UBP1: variants seen among roughly 807,000 people sequenced by gnomAD.
UBP1 encodes upstream-binding protein 1.
A neutral mutation model predicts 76.1 loss-of-function variants in UBP1; 22 were observed. That is an observed-to-expected ratio of 0.29 (90% CI 0.21 to 0.41). UBP1 has a LOEUF of 0.41. UBP1 is among the 10% of genes least tolerant of loss of function. UBP1 has a pLI of 1.00. For synonymous variants in UBP1, 224 were observed against 237.1 expected (o/e 0.94, Z 0.51); for missense variants, 436 against 668.1 (o/e 0.65, Z 3.83).
rs568251618 is a variant in UBP1 at position 33,412,579 on chromosome 3, C to G, written c.448+143G>C. On this transcript the variant is annotated intron_variant, in intron 4 of 15. Transcript: ENST00000283629. ...CCTGGGCGAGAGAGCAAGGCTCTGT[C>G]TCAAAAAAAAAAAAAAAAGACACAA... 30 of 564,438 alleles carry G rather than the reference C, an allele frequency of 5.3e-5. 1 individual carries two copies. The African/African-American group carries it at 7.8e-4, about 15-fold the overall frequency. 35.0% of individuals were successfully genotyped at this position (564,438 alleles called of 1,614,324 possible). A position where few individuals can be genotyped will look rare whatever the true frequency, so the allele number is the denominator to read the frequency against.
At chr3:33,412,186 C>CAAAAAAAA (rs1227146812) in intron 4 of UBP1, among the ~76,000 whole-genome samples, 1 of 63,452 alleles carries the variant, frequency 1.6e-5, no homozygotes, top group Non-Finnish European at 3.2e-5. Context: ...AACTCCGTCT[C>CAAAAAAAA]AAAAAAAAAA....
At chr3:33,402,962 AT>A in intron 8 of UBP1, 58 bp from the exon 9 acceptor site, 1 of 1,428,954 alleles carries the variant, frequency 7.0e-7, no homozygotes, top group Non-Finnish European at 9.6e-7. Flanking sequence ...TGGAAGAAAT[AT>A]TTTTGTAATT....
At chr3:33,393,109 G>T in intron 14 of UBP1, 1 of 557,594 alleles carries the variant, frequency 1.8e-6, no homozygotes, top group Non-Finnish European at 2.9e-6. Flanking sequence ...GGCTAAGCCA[G>T]TTTTCCTTGG....
intron 11 of UBP1, chr3:33,398,381 A>G (rs1575455003): frequency 1.3e-5 from 2 of 152,252 alleles, no homozygotes; most frequent in South Asian, 4.1e-4. Context: ...TCAGGTAAGC[A>G]AAGAGGCTCT....
At position 33,390,327 on chromosome 3, in the gene UBP1, G is replaced by A; in HGVS notation, c.*4C>T. 1 of 1,613,794 alleles carries A rather than the reference G, an allele frequency of 6.2e-7. No individual in the cohort carries two copies. Among genetic ancestry groups the A allele is most frequent in the Non-Finnish European group, 8.5e-7 (1 of 1,179,708 alleles). On this transcript the variant is annotated 3_prime_UTR_variant, in exon 16 of 16. Transcript: ENST00000283629. ...ACTGAATACAGTTCAGTCTATATAA[G>A]ACATCACTTCAAAATTATGTGGATG...
chr3:33,404,087 C>T (rs1246106857), intron 8 of UBP1, among the ~76,000 whole-genome samples: 1 of 152,096 alleles, frequency 6.6e-6, no homozygotes, highest in African/African-American at 2.4e-5. Context: ...ACAGTGAGAC[C>T]CTGTTTCTAC....
intron 8 of UBP1, among the ~76,000 whole-genome samples, chr3:33,404,336 T>G (rs1178800172): frequency 6.6e-6 from 1 of 151,942 alleles, no homozygotes; most frequent in Non-Finnish European, 1.5e-5. Context: ...CGCTTGAACC[T>G]GGGAGGCGGG....
intron 1 of UBP1, among the ~76,000 whole-genome samples, chr3:33,427,277 T>G (rs902749130): frequency 2.6e-5 from 4 of 152,280 alleles, no homozygotes; most frequent in African/African-American, 9.6e-5. Flanking sequence ...TGTTTAACTT[T>G]CTGAGCAACT....
chr3:33,427,565 G>GTCAAT (rs1176433244), intron 1 of UBP1, among the ~76,000 whole-genome samples: 2 of 152,102 alleles, frequency 1.3e-5, no homozygotes, highest in African/African-American at 2.4e-5. Context: ...GGGTAGCCAG[G>GTCAAT]TCAATTCAAT....
intron 8 of UBP1, among the ~76,000 whole-genome samples, chr3:33,405,187 GA>G (rs1469516366): frequency 6.6e-6 from 1 of 151,800 alleles, no homozygotes; most frequent in Admixed American, 6.6e-5. Context: ...AAATAAATAA[GA>G]AAAAAATTTT....
chr3:33,405,158 C>A (rs909357553), intron 8 of UBP1, among the ~76,000 whole-genome samples: 1 of 151,362 alleles, frequency 6.6e-6, no homozygotes, highest in East Asian at 1.9e-4. Flanking sequence ...TCATTTGAAG[C>A]CTCAGGAATA....
At position 33,398,970 on chromosome 3, in the gene UBP1, T is replaced by C. The variant is rs141033889; in HGVS notation, c.1180+1219A>G. ...AGCAAATGACCTCCATAGGGAACTTTAAAGAGACAAAGAAGTACACGGGGA... is the reference window on the plus strand; with the variant it reads ...AGCAAATGACCTCCATAGGGAACTTCAAAGAGACAAAGAAGTACACGGGGA... On this transcript the variant is annotated intron_variant, in intron 11 of 15. Coordinates refer to ENST00000283629, the MANE Select transcript of UBP1 (RefSeq NM_014517.5). Among the ~76,000 whole-genome samples, 146 of 152,340 alleles carry C rather than the reference T, an allele frequency of 9.6e-4. 1 individual carries two copies. Among genetic ancestry groups the C allele is most frequent in the Non-Finnish European group, 1.2e-3 (83 of 68,022 alleles).
intron 8 of UBP1, among the ~76,000 whole-genome samples, chr3:33,407,276 T>G (rs543335157): frequency 9.2e-5 from 14 of 152,260 alleles, no homozygotes; most frequent in Admixed American, 7.2e-4. Flanking sequence ...CATTAAGAAT[T>G]TACCAACAGT....
chr3:33,420,919 C>T (rs1273970903), intron 2 of UBP1, among the ~76,000 whole-genome samples: 1 of 152,162 alleles, frequency 6.6e-6, no homozygotes, highest in Non-Finnish European at 1.5e-5. Context: ...AATTAACATT[C>T]TTAGCAGCGT....
intron 3 of UBP1, among the ~76,000 whole-genome samples, chr3:33,413,884 G>A (rs1490173274): frequency 6.6e-6 from 1 of 152,122 alleles, no homozygotes; most frequent in Non-Finnish European, 1.5e-5. Flanking sequence ...GCTAGTGGTG[G>A]CCCCTAAGAC....
intron 1 of UBP1, among the ~76,000 whole-genome samples, chr3:33,430,987 C>A (rs1388624854): frequency 6.6e-6 from 1 of 152,032 alleles, no homozygotes; most frequent in Non-Finnish European, 1.5e-5. Flanking sequence ...CGTACTTACT[C>A]TATTTAAAGA....
chr3:33,425,901 A>C (rs1356253476), intron 1 of UBP1, among the ~76,000 whole-genome samples, 160 bp from the exon 2 acceptor site: 1 of 150,186 alleles, frequency 6.7e-6, no homozygotes, highest in African/African-American at 2.5e-5. Flanking sequence ...ATGTAGAATA[A>C]AAGAACTATG....
chr3:33,390,456 C>T, intron 15 of UBP1, 88 bp from the exon 16 acceptor site: 2 of 1,385,232 alleles, frequency 1.4e-6, no homozygotes, highest in African/African-American at 1.4e-5. Context: ...ACTACAACCT[C>T]CCTTCCCAAT....
intron 2 of UBP1, among the ~76,000 whole-genome samples, chr3:33,420,232 G>C (rs1224075787): frequency 6.6e-6 from 1 of 152,156 alleles, no homozygotes; most frequent in East Asian, 1.9e-4. Context: ...TGTGAAAAAT[G>C]AAACTAAGCA....
Sources: gnomAD v4.1 joint callset for allele counts (sites outside exome capture counted in the v4.1 genomes callset) on GRCh38, gnomAD v4.1.1 for gene constraint, MANE v1.5 for transcripts, NCBI Gene and HGNC (gene_info 2026-07-23, HGNC 2026-07-21) for gene names.